TMEM132D: variants seen among roughly 807,000 people sequenced by gnomAD.
The protein encoded by TMEM132D is transmembrane protein 132D, also known as mature OL transmembrane protein.
Under a neutral mutation model 62.3 loss-of-function variants are expected in TMEM132D, and 21 were observed. That is an observed-to-expected ratio of 0.34 (90% confidence interval 0.24 to 0.49). TMEM132D has a LOEUF of 0.49. Ranked by LOEUF, TMEM132D falls within the 20% of genes least tolerant of loss-of-function variation. The pLI, the probability that TMEM132D is intolerant of heterozygous loss-of-function variation, is 0.99. For synonymous variants in TMEM132D, 621 were observed against 575.6 expected, an observed-to-expected ratio of 1.08 and a Z score of -1.13; for missense variants, 1,346 against 1,402.8, an observed-to-expected ratio of 0.96 and a Z score of 0.65.
chr12:129,406,111 A>C (rs1871776060), intron 3 of TMEM132D, among the ~76,000 whole-genome samples: 1 of 152,226 alleles, frequency 6.6e-6, no homozygotes, highest in African/African-American at 2.4e-5. Flanking sequence ...GTTAAGACAT[A>C]AGTCAGATAT....
At chr12:129,436,409 C>A (rs1267585456) in intron 3 of TMEM132D, among the ~76,000 whole-genome samples, 1 of 152,022 alleles carries the variant, frequency 6.6e-6, no homozygotes. Context: ...ATTTTATACT[C>A]AGGAGTTTTT....
intron 5 of TMEM132D, among the ~76,000 whole-genome samples, chr12:129,135,167 G>T (rs1876522279): frequency 6.6e-6 from 1 of 152,160 alleles, no homozygotes; most frequent in South Asian, 2.1e-4. Flanking sequence ...AACCACTGAG[G>T]CATCTGGAGT....
intron 1 of TMEM132D, among the ~76,000 whole-genome samples, chr12:129,899,218 C>T (rs1304878798): frequency 7.5e-6 from 1 of 134,032 alleles, no homozygotes; most frequent in African/African-American, 3.3e-5. Context: ...GATGGGCAGA[C>T]AGACAGATGG....
intron 3 of TMEM132D, among the ~76,000 whole-genome samples, chr12:129,474,325 C>T (rs1239131101): frequency 6.6e-6 from 1 of 152,198 alleles, no homozygotes; most frequent in Non-Finnish European, 1.5e-5. Context: ...TGTACAATGG[C>T]ACCCTAAGTA....
intron 2 of TMEM132D, among the ~76,000 whole-genome samples, chr12:129,588,832 TTAATA>T (rs1386665577): frequency 1.3e-5 from 2 of 151,038 alleles, no homozygotes; most frequent in African/African-American, 4.9e-5. Context: ...ATGTTTAATT[TTAATA>T]TATTAATTAT....
At chr12:129,684,256 G>T (rs143901233) in intron 2 of TMEM132D, among the ~76,000 whole-genome samples, 1 of 152,080 alleles carries the variant, frequency 6.6e-6, no homozygotes, top group African/African-American at 2.4e-5. Context: ...TAATTGAATC[G>T]TGGGGGTAGT....
intron 5 of TMEM132D, among the ~76,000 whole-genome samples, chr12:129,178,191 T>A (rs1389271735): frequency 6.6e-6 from 1 of 152,202 alleles, no homozygotes; most frequent in Admixed American, 6.5e-5. Context: ...TTTGGGTTGA[T>A]TCCATGTCTT....
At chr12:129,136,029 T>G (rs969278687) in intron 5 of TMEM132D, among the ~76,000 whole-genome samples, 1 of 152,164 alleles carries the variant, frequency 6.6e-6, no homozygotes, top group Non-Finnish European at 1.5e-5. Flanking sequence ...ATACGAATTT[T>G]GGGGGACATA....
At chr12:129,716,414 G>T (rs970901490) in intron 1 of TMEM132D, among the ~76,000 whole-genome samples, 2 of 152,150 alleles carry the variant, frequency 1.3e-5, no homozygotes, top group African/African-American at 2.4e-5. Context: ...CGCCTGTGAG[G>T]GTCAGGGCAA....
At chr12:129,728,566 A>T (rs567561459) in intron 1 of TMEM132D, among the ~76,000 whole-genome samples, 1 of 152,344 alleles carries the variant, frequency 6.6e-6, no homozygotes, top group African/African-American at 2.4e-5. Context: ...CTCATTTAGA[A>T]TTTCCAAGGG....
At chr12:129,168,625 C>T (rs535388820) in intron 5 of TMEM132D, among the ~76,000 whole-genome samples, 2 of 152,286 alleles carry the variant, frequency 1.3e-5, no homozygotes, top group East Asian at 3.9e-4. Context: ...GTTCACCTCC[C>T]CCAGGGGGGT....
chr12:129,863,104 T>A (rs1333763874), intron 1 of TMEM132D, among the ~76,000 whole-genome samples: 1 of 152,204 alleles, frequency 6.6e-6, no homozygotes, highest in Non-Finnish European at 1.5e-5. Flanking sequence ...AGGCCGGTTA[T>A]CAGACAAATG....
At chr12:129,510,705 T>C (rs1237409146) in intron 3 of TMEM132D, among the ~76,000 whole-genome samples, 2 of 152,152 alleles carry the variant, frequency 1.3e-5, no homozygotes, top group Non-Finnish European at 2.9e-5. Flanking sequence ...TCCAAATCCA[T>C]GTACAATTGT....
intron 1 of TMEM132D, among the ~76,000 whole-genome samples, chr12:129,892,539 C>T (rs994801860): frequency 6.6e-6 from 1 of 152,162 alleles, no homozygotes; most frequent in African/African-American, 2.4e-5. Context: ...TCCTCCTCCT[C>T]GTTTTTTCTT....
chr12:129,116,947 AT>A (rs1465162126), intron 5 of TMEM132D, among the ~76,000 whole-genome samples: 24 of 126,156 alleles, frequency 1.9e-4, no homozygotes, highest in African/African-American at 5.1e-4. Flanking sequence ...AAAAAAAAAA[AT>A]CTGTACGTGA....
At chr12:129,431,690 T>C (rs890288274) in intron 3 of TMEM132D, among the ~76,000 whole-genome samples, 1 of 152,168 alleles carries the variant, frequency 6.6e-6, no homozygotes, top group Non-Finnish European at 1.5e-5. Context: ...TGAATTCTGA[T>C]TATGCCACTC....
chr12:129,302,669 G>A (rs1210933368), intron 4 of TMEM132D, among the ~76,000 whole-genome samples: 7 of 152,200 alleles, frequency 4.6e-5, no homozygotes, highest in South Asian at 2.1e-4. Flanking sequence ...CCACTGGAGC[G>A]TATTTTTCTC....
intron 4 of TMEM132D, among the ~76,000 whole-genome samples, chr12:129,244,394 AAAAAAAAAAAAAAAACAAAC>A (rs1271231880): frequency 4.4e-5 from 2 of 45,464 alleles, no homozygotes; most frequent in East Asian, 1.2e-3. Context: ...TCAAAAAAAA[AAAAAAAAAAAAAAAACAAAC>A]AAAAAGGAAC....
intron 1 of TMEM132D, among the ~76,000 whole-genome samples, chr12:129,877,105 A>C (rs2137382279): frequency 6.6e-6 from 1 of 152,112 alleles, no homozygotes; most frequent in African/African-American, 2.4e-5. Context: ...TTTACAAAGA[A>C]ACAACCTCCT....
Sources: gnomAD v4.1 joint callset for allele counts (sites outside exome capture counted in the v4.1 genomes callset) on GRCh38, gnomAD v4.1.1 for gene constraint, MANE v1.5 for transcripts, NCBI Gene and HGNC (gene_info 2026-07-23, HGNC 2026-07-21) for gene names.